C9orf85: variants seen among roughly 807,000 people sequenced by gnomAD.
C9orf85 encodes chromosome 9 open reading frame 85, also known as uncharacterized protein C9orf85.
A neutral mutation model predicts 14.9 loss-of-function variants in C9orf85; 16 were observed. The observed-to-expected ratio is 1.08, with a 90% confidence interval of 0.73 to 1.63. C9orf85 has a LOEUF of 1.63. C9orf85 is among the 40% of genes most tolerant of loss of function. The pLI is 0.00. For synonymous variants in C9orf85, 45 were observed against 56.8 expected (o/e 0.79, Z 0.93); for missense variants, 172 against 186.1 (o/e 0.92, Z 0.44).
chr9:71,954,133 G>A lies in C9orf85; in HGVS notation c.209+7021G>A, dbSNP rs553781407. The stretch of plus-strand genomic sequence containing the variant: ...AGCTTGGAAAAAAAAAAAAAAAAGC[G>A]TATTTTACATAAGTTGAGTCAAGGG... On this transcript the variant is annotated intron_variant, in intron 2 of 3. Transcript: ENST00000334731. Among the ~76,000 whole-genome samples, 33 of 143,570 alleles carry A rather than the reference G, an allele frequency of 2.3e-4. No homozygotes were observed. In the South Asian group the frequency reaches 2.7e-3, roughly 12 times the overall value. 94.2% of individuals were successfully genotyped at this position (143,570 alleles called of 152,430 possible).
chr9:71,976,575 T>C (rs1030067473), downstream of C9orf85, among the ~76,000 whole-genome samples: 5 of 150,078 alleles, frequency 3.3e-5, no homozygotes, highest in African/African-American at 9.9e-5. Context: ...GGCAGGAGAA[T>C]GGCATGAACC....
Position 71,947,066 on chromosome 9 carries a change from C to CG in C9orf85, c.164dup (p.Val56CysfsTer13). The CG allele has an allele frequency of 6.2e-7, 1 of 1,613,208 alleles. No individual in the cohort carries two copies. The highest frequency in any genetic ancestry group is 1.1e-5 in the South Asian group (1 of 91,010). On this transcript the variant is annotated frameshift_variant, in exon 2 of 4. Transcript: ENST00000334731. LOFTEE classifies it high-confidence loss of function. ...GCGCTGTAAAGAAGTTCTTGAGTGGCGTGTAAAATACAGCAAATACAAACC... is the reference window on the plus strand; with the variant it reads ...GCGCTGTAAAGAAGTTCTTGAGTGGCGGTGTAAAATACAGCAAATACAAACC...
At chr9:71,915,438 A>T (rs917281478) in intron 1 of C9orf85, among the ~76,000 whole-genome samples, 3 of 152,086 alleles carry the variant, frequency 2.0e-5, no homozygotes, top group Non-Finnish European at 2.9e-5. Context: ...TGGCCTCCCA[A>T]GGTGCTGGGA....
downstream of C9orf85, chr9:71,984,111 T>C (rs1169709279): frequency 1.3e-5 from 2 of 152,242 alleles, no homozygotes; most frequent in African/African-American, 4.8e-5. Context: ...ACCACTGTAG[T>C]TGCAGAGATC....
At chr9:71,930,641 C>CA (rs770465989) in intron 1 of C9orf85, among the ~76,000 whole-genome samples, 3,201 of 122,974 alleles carry the variant, frequency 0.026, 60 homozygotes, top group African/African-American at 0.051. Context: ...CTGTCTCTAC[C>CA]AAAAAAAAAA....
At chr9:71,942,609 C>T (rs1438085850) in intron 1 of C9orf85, among the ~76,000 whole-genome samples, 1 of 152,120 alleles carries the variant, frequency 6.6e-6, no homozygotes, top group Non-Finnish European at 1.5e-5. Context: ...TGATTTGAAA[C>T]TCACAGGCTA....
rs141248678 is a variant in C9orf85, at chr9:71,971,083, T to G, written c.210-422T>G. On this transcript the variant is annotated intron_variant, in intron 2 of 3. Transcript: ENST00000334731. ...ATATTAAGTCTTTTCATATAAAATATGGGATGTCTTTCCGTATAGTTAGGT... is the reference window on the plus strand; with the variant it reads ...ATATTAAGTCTTTTCATATAAAATAGGGGATGTCTTTCCGTATAGTTAGGT... Among the ~76,000 whole-genome samples the G allele has an allele frequency of 3.6e-3, 547 of 152,316 alleles. 5 individuals carry two copies. The highest frequency in any genetic ancestry group is 0.013 in the African/African-American group (522 of 41,570).
intron 2 of C9orf85, among the ~76,000 whole-genome samples, chr9:71,967,564 A>C (rs1446457471): frequency 6.6e-6 from 1 of 152,180 alleles, no homozygotes; most frequent in African/African-American, 2.4e-5. Flanking sequence ...ATGTTTGTTT[A>C]CTGACCCCAT....
At chr9:71,911,866 A>T (rs765474325) in intron 1 of C9orf85, 30 bp downstream of exon 1, 2 of 1,595,552 alleles carry the variant, frequency 1.3e-6, no homozygotes, top group Non-Finnish European at 1.7e-6. Flanking sequence ...ACCGTCTTTG[A>T]CTCCAGGAAG....
At chr9:71,973,606 G>A (rs1163112675), downstream of C9orf85, 1 of 152,050 alleles carries the variant, frequency 6.6e-6, no homozygotes, top group Non-Finnish European at 1.5e-5. Flanking sequence ...TACAGAAAAA[G>A]TGCATATAAT....
chr9:71,922,040 A>C (rs1827823075), intron 1 of C9orf85, among the ~76,000 whole-genome samples: 1 of 152,020 alleles, frequency 6.6e-6, no homozygotes, highest in Admixed American at 6.5e-5. Flanking sequence ...TCCCGTGTTC[A>C]AGCGATTCTC....
intron 1 of C9orf85, among the ~76,000 whole-genome samples, chr9:71,912,640 G>T (rs1182683523): frequency 6.6e-6 from 1 of 152,004 alleles, no homozygotes; most frequent in Non-Finnish European, 1.5e-5. Context: ...TCAGCACTTT[G>T]GGAGGCCGAG....
intron 2 of C9orf85, among the ~76,000 whole-genome samples, chr9:71,952,521 C>G (rs1401045342): frequency 6.6e-6 from 1 of 152,116 alleles, no homozygotes; most frequent in Non-Finnish European, 1.5e-5. Flanking sequence ...CCCACCACCA[C>G]ACCCGGCTAA....
At chr9:71,970,374 A>G (rs576703922) in intron 2 of C9orf85, among the ~76,000 whole-genome samples, 9 of 152,196 alleles carry the variant, frequency 5.9e-5, no homozygotes, top group Non-Finnish European at 1.2e-4. Flanking sequence ...TAAAATTGTC[A>G]TTTTGGCTGA....
At chr9:71,947,734 C>G (rs1050857212) in intron 2 of C9orf85, among the ~76,000 whole-genome samples, 1 of 152,052 alleles carries the variant, frequency 6.6e-6, no homozygotes, top group Non-Finnish European at 1.5e-5. Flanking sequence ...ACCTCTGCCT[C>G]CCAGGTTTAA....
intron 1 of C9orf85, among the ~76,000 whole-genome samples, chr9:71,920,274 C>A (rs949185527): frequency 2.0e-5 from 3 of 152,102 alleles, no homozygotes; most frequent in Non-Finnish European, 4.4e-5. Flanking sequence ...TCTTGATTTG[C>A]TCTACTATGG....
chr9:71,956,806 G>T (rs779439629), intron 2 of C9orf85, among the ~76,000 whole-genome samples: 2 of 152,086 alleles, frequency 1.3e-5, no homozygotes, highest in Non-Finnish European at 2.9e-5. Flanking sequence ...CTATACTAGG[G>T]TCATAGCCAG....
chr9:71,921,510 G>C (rs1827806765), intron 1 of C9orf85, among the ~76,000 whole-genome samples: 1 of 152,200 alleles, frequency 6.6e-6, no homozygotes, highest in Non-Finnish European at 1.5e-5. Context: ...AAGATGTCCT[G>C]CCTTTCCAGG....
In C9orf85 at chr9:71,956,083, T is replaced by C. The variant is rs113027250; in HGVS notation, c.209+8971T>C. ...AAATGGATTTTTTAGTGCATTACTA[T>C]GAAAGAATTTTTACATGTTTTTTCT... On this transcript the variant is annotated intron_variant, in intron 2 of 3. Transcript: ENST00000334731. Among the ~76,000 whole-genome samples the C allele has an allele frequency of 3.7e-3, 556 of 152,308 alleles. 1 individual carries two copies. Among genetic ancestry groups the C allele is most frequent in the Non-Finnish European group, 6.2e-3 (420 of 68,024 alleles).
Sources: allele counts gnomAD v4.1 joint callset (sites outside exome capture counted in the v4.1 genomes callset), GRCh38; gene constraint gnomAD v4.1.1; transcripts MANE v1.5; gene names NCBI Gene and HGNC (gene_info 2026-07-23, HGNC 2026-07-21).